CADPS2: variants seen among roughly 807,000 people sequenced by gnomAD.
CADPS2 encodes calcium-dependent secretion activator 2.
A neutral mutation model predicts 172.5 loss-of-function variants in CADPS2; 93 were observed. The observed-to-expected ratio is 0.54, with a 90% CI of 0.46 to 0.64. CADPS2 has a LOEUF of 0.64. Among genes scored for constraint, CADPS2 ranks in the 30% least tolerant of loss-of-function variants. CADPS2 has a pLI of 0.00. For synonymous variants in CADPS2, 546 were observed against 555.2 expected (o/e 0.98, Z 0.23); for missense variants, 1,420 against 1,565.9 (o/e 0.91, Z 1.57).
At chr7:122,583,051 G>C (rs1587566080) in intron 6 of CADPS2, among the ~76,000 whole-genome samples, 1 of 151,128 alleles carries the variant, frequency 6.6e-6, no homozygotes, top group Non-Finnish European at 1.5e-5. Context: ...CACTTTGCTG[G>C]ATAGAATAAG....
chr7:122,621,629 T>C lies in CADPS2; in HGVS notation c.956A>G (p.Asn319Ser). 1.9e-6 allele frequency: 3 copies of C among 1,613,764 alleles called. No homozygotes were observed. The highest frequency in any genetic ancestry group is 2.5e-6 in the Non-Finnish European group (3 of 1,179,692). ...TTTCGAAACTGGAAGACTTTCCAAA[T>C]TGGCCATTAGCAAATTCACTGAAGA... is the stretch of plus-strand genomic sequence containing the variant. ...LRSSVNLLMA[N>S]LESLPVSKGG... Residue 319 changes from asparagine (N) to serine (S), a missense_variant, in exon 5 of 30, where the codon AAT (asparagine) becomes AGT (serine). Asn to Ser is a conservative substitution (Grantham distance 46). Coordinates refer to ENST00000449022, the MANE Select transcript of CADPS2 (RefSeq NM_017954.11).
At chr7:122,570,830 C>T (rs1051809387) in intron 7 of CADPS2, among the ~76,000 whole-genome samples, 1 of 151,932 alleles carries the variant, frequency 6.6e-6, no homozygotes, top group Non-Finnish European at 1.5e-5. Flanking sequence ...GGGAATTGAA[C>T]AATGAGAACA....
At position 122,404,141 on chromosome 7, in the gene CADPS2, C is replaced by T. The variant is rs191440900; in HGVS notation, c.2746+3399G>A. Among the ~76,000 whole-genome samples the T allele has an allele frequency of 6.1e-4, 93 of 152,182 alleles. No individual in the cohort carries two copies. In the East Asian group the frequency reaches 0.01, roughly 17 times the overall value. ...ATATCTCCTAATGCTATCCCTCCCCCCTCTCCCCACCCCATAACAGGCCCC... is the reference window on the plus strand; with the variant it reads ...ATATCTCCTAATGCTATCCCTCCCCTCTCTCCCCACCCCATAACAGGCCCC... On this transcript the variant is annotated intron_variant, in intron 20 of 29. Transcript: ENST00000449022.
chr7:122,521,273 A>G, intron 8 of CADPS2, among the ~76,000 whole-genome samples: 1 of 152,100 alleles, frequency 6.6e-6, no homozygotes, highest in East Asian at 1.9e-4. Context: ...CACCTTTCAG[A>G]CACTCATGAT....
chr7:122,817,747 G>C (rs34582081), intron 1 of CADPS2, among the ~76,000 whole-genome samples: 6 of 151,572 alleles, frequency 4.0e-5, no homozygotes, highest in Non-Finnish European at 7.4e-5. Flanking sequence ...CACTCTTAGC[G>C]GCAAGTCCTG....
intron 9 of CADPS2, among the ~76,000 whole-genome samples, chr7:122,495,131 T>G (rs1420866185): frequency 6.6e-6 from 1 of 152,192 alleles, no homozygotes; most frequent in East Asian, 1.9e-4. Context: ...TCTTAAAATA[T>G]TATGAAATAT....
intron 8 of CADPS2, among the ~76,000 whole-genome samples, chr7:122,524,424 A>G (rs2061042895): frequency 6.6e-6 from 1 of 152,168 alleles, no homozygotes; most frequent in African/African-American, 2.4e-5. Context: ...ACTCTAAAAA[A>G]ATAATTAAGA....
At chr7:122,610,346 G>C (rs889464982) in intron 6 of CADPS2, among the ~76,000 whole-genome samples, 16 of 151,602 alleles carry the variant, frequency 1.1e-4, no homozygotes, top group African/African-American at 3.9e-4. Context: ...TTAAAATAAC[G>C]TAACTTCAGA....
intron 6 of CADPS2, among the ~76,000 whole-genome samples, chr7:122,587,157 T>G (rs971413095): frequency 6.6e-6 from 1 of 151,962 alleles, no homozygotes; most frequent in Non-Finnish European, 1.5e-5. Context: ...TTGTGCAGAT[T>G]TGTTACATAG....
intron 28 of CADPS2, among the ~76,000 whole-genome samples, chr7:122,338,298 G>A (rs2036215814): frequency 6.6e-6 from 1 of 152,190 alleles, no homozygotes; most frequent in Non-Finnish European, 1.5e-5. Flanking sequence ...TTGGGAGGCT[G>A]AGGAAGAATT....
chr7:122,871,835 T>C (rs1420954553), intron 1 of CADPS2, among the ~76,000 whole-genome samples: 1 of 152,120 alleles, frequency 6.6e-6, no homozygotes, highest in Non-Finnish European at 1.5e-5. Context: ...TTCTAATACA[T>C]CTGGCTACTT....
intron 14 of CADPS2, among the ~76,000 whole-genome samples, chr7:122,464,746 CACAAAAAACAG>C (rs1401377276): frequency 5.9e-5 from 9 of 152,036 alleles, no homozygotes; most frequent in Non-Finnish European, 1.2e-4. Context: ...CTGTCAAGGT[CACAAAAAACAG>C]ACAAAAAAAT....
intron 18 of CADPS2, 78 bp downstream of exon 18, chr7:122,415,983 G>T: frequency 1.2e-6 from 1 of 802,532 alleles, no homozygotes; most frequent in Non-Finnish European, 1.9e-6. Context: ...ACTATGGGCA[G>T]GCCACTTATT....
intron 6 of CADPS2, among the ~76,000 whole-genome samples, chr7:122,595,395 T>A (rs1231458325): frequency 6.6e-6 from 1 of 152,090 alleles, no homozygotes; most frequent in African/African-American, 2.4e-5. Context: ...GGGGTTATGT[T>A]CTTTGGGGCC....
intron 13 of CADPS2, among the ~76,000 whole-genome samples, chr7:122,472,158 A>T (rs949339303): frequency 6.6e-6 from 1 of 152,198 alleles, no homozygotes; most frequent in Non-Finnish European, 1.5e-5. Context: ...ACCTGAACAC[A>T]GCAGGCAGTT....
chr7:122,879,117 A>T (rs573923310), intron 1 of CADPS2, among the ~76,000 whole-genome samples: 1 of 151,672 alleles, frequency 6.6e-6, no homozygotes, highest in African/African-American at 2.4e-5. Flanking sequence ...CACACCTGTA[A>T]TCCCAGCTAC....
At chr7:122,453,070 TG>T (rs1387381178) in intron 14 of CADPS2, among the ~76,000 whole-genome samples, 1 of 152,220 alleles carries the variant, frequency 6.6e-6, no homozygotes, top group African/African-American at 2.4e-5. Context: ...CAGAGACTCA[TG>T]TGCTGCTGGA....
At chr7:122,397,067 T>C (rs2045243221) in intron 20 of CADPS2, among the ~76,000 whole-genome samples, 1 of 152,220 alleles carries the variant, frequency 6.6e-6, no homozygotes. Flanking sequence ...GTTCTATTTT[T>C]AACCCATATG....
chr7:122,705,472 T>C (rs1488015686), intron 2 of CADPS2, among the ~76,000 whole-genome samples: 3 of 133,778 alleles, frequency 2.2e-5, no homozygotes, highest in Non-Finnish European at 4.6e-5. Context: ...TTATATATTA[T>C]ATATATTTAT....
Sources: gnomAD v4.1 joint callset for allele counts (sites outside exome capture counted in the v4.1 genomes callset) on GRCh38, gnomAD v4.1.1 for gene constraint, MANE v1.5 for transcripts, NCBI Gene and HGNC (gene_info 2026-07-23, HGNC 2026-07-21) for gene names.